Variants in RTN4 observed in about 807,000 individuals in gnomAD.
The protein encoded by RTN4 is reticulon 4, also known as reticulon-4.
In RTN4, 32 loss-of-function variants were observed where a neutral mutation model predicts 90.4. That is an observed-to-expected ratio of 0.35 (90% confidence interval 0.27 to 0.48). The LOEUF is 0.48. RTN4 is among the 20% of genes least tolerant of loss of function. The pLI is 0.99. For synonymous variants in RTN4, 629 were observed against 552.5 expected, an observed-to-expected ratio of 1.14 and a Z score of -1.94; for missense variants, 1,706 against 1,430.2, an observed-to-expected ratio of 1.19 and a Z score of -3.11.
At chr2:55,072,388 C>T (rs1194862635) in intron 2 of RTN4, among the ~76,000 whole-genome samples, 1 of 152,120 alleles carries the variant, frequency 6.6e-6, no homozygotes, top group African/African-American at 2.4e-5. Flanking sequence ...CACCACCATG[C>T]CCAGCTGATT....
chr2:55,014,116 T>C (rs1016151722), intron 3 of RTN4, among the ~76,000 whole-genome samples: 11 of 152,224 alleles, frequency 7.2e-5, no homozygotes, highest in Non-Finnish European at 4.4e-5. Context: ...CCCTACCATA[T>C]GCTGTAATAT....
intron 3 of RTN4, among the ~76,000 whole-genome samples, chr2:55,007,127 A>G (rs1680284411): frequency 6.6e-6 from 1 of 152,036 alleles, no homozygotes. Flanking sequence ...CCAATATTTC[A>G]CTCTAATTCA....
intron 1 of RTN4, among the ~76,000 whole-genome samples, chr2:55,091,612 G>A (rs1458695724): frequency 6.6e-6 from 1 of 152,200 alleles, no homozygotes; most frequent in Non-Finnish European, 1.5e-5. Flanking sequence ...AGGATTGCTT[G>A]AGCCCAGGAG....
intron 5 of RTN4, among the ~76,000 whole-genome samples, chr2:54,975,343 C>G (rs568972507): frequency 2.6e-5 from 4 of 152,288 alleles, no homozygotes; most frequent in Admixed American, 1.3e-4. Flanking sequence ...TAATTCAAGG[C>G]CTTCATGTGT....
At chr2:55,117,374 T>C (rs1341570260), upstream of RTN4, among the ~76,000 whole-genome samples, 1 of 152,146 alleles carries the variant, frequency 6.6e-6, no homozygotes, top group Non-Finnish European at 1.5e-5. Context: ...CTGAAGGGCC[T>C]CCTAACCATC....
chr2:55,069,505 T>C (rs1668450209), intron 2 of RTN4, among the ~76,000 whole-genome samples: 1 of 152,198 alleles, frequency 6.6e-6, no homozygotes, highest in African/African-American at 2.4e-5. Flanking sequence ...TTTATTGCTA[T>C]TACACAAATA....
chr2:54,973,563 T>C lies in RTN4; in HGVS notation c.3536A>G (p.Lys1179Arg). 2.5e-6 allele frequency: 4 copies of C among 1,602,954 alleles called. No individual in the cohort carries two copies. Among genetic ancestry groups the C allele is most frequent in the Non-Finnish European group, 2.6e-6 (3 of 1,169,980 alleles). ...AACACTGCAGATTTTAAATACTTAC[T>C]TAGCCATAGCATCTTTAACATTCTT... Reference protein sequence around the residue: ...ANKNVKDAMAKIQAKIPGLKR... With the variant: ...ANKNVKDAMARIQAKIPGLKR... The change falls in exon 8 of 9, where the codon AAA becomes AGA. Residue 1179 changes from lysine (K) to arginine (R), a missense_variant and splice_region_variant. By Grantham distance (26) the Lys-to-Arg change is conservative. Coordinates refer to ENST00000337526, the MANE Select transcript of RTN4 (RefSeq NM_020532.5).
At chr2:55,014,732 G>C (rs1680905662) in intron 3 of RTN4, among the ~76,000 whole-genome samples, 1 of 152,080 alleles carries the variant, frequency 6.6e-6, no homozygotes, top group Non-Finnish European at 1.5e-5. Flanking sequence ...GGCCAGGATG[G>C]TCTGGATCTC....
intron 1 of RTN4, among the ~76,000 whole-genome samples, chr2:55,091,326 T>C (rs1401438716): frequency 6.6e-6 from 1 of 152,196 alleles, no homozygotes; most frequent in East Asian, 1.9e-4. Context: ...CACTGGGCCC[T>C]TTCTTCCCAC....
At chr2:54,982,421 C>G in intron 5 of RTN4, 94 bp downstream of exon 5, 1 of 1,038,778 alleles carries the variant, frequency 9.6e-7, no homozygotes, top group Admixed American at 2.7e-5. Flanking sequence ...TAATATTTAT[C>G]ATTTACTTGA....
intron 4 of RTN4, among the ~76,000 whole-genome samples, chr2:54,983,457 AG>A (rs974833668): frequency 2.6e-5 from 4 of 152,214 alleles, no homozygotes; most frequent in Non-Finnish European, 5.9e-5. Context: ...CAACCAACTC[AG>A]AAGTGCTGAG....
chr2:55,028,756 T>C (rs1380936506), intron 1 of RTN4, among the ~76,000 whole-genome samples: 1 of 151,500 alleles, frequency 6.6e-6, no homozygotes, highest in Non-Finnish European at 1.5e-5. Context: ...ATTAGTCCTG[T>C]GCCAATGTCC....
chr2:55,049,425 A>G, intron 1 of RTN4: 1 of 370,268 alleles, frequency 2.7e-6, no homozygotes, highest in Non-Finnish European at 5.3e-6. Flanking sequence ...GCTCTCGGGT[A>G]TATACCCGGC....
At chr2:55,096,619 G>C (rs1056485072) in intron 1 of RTN4, among the ~76,000 whole-genome samples, 1 of 152,134 alleles carries the variant, frequency 6.6e-6, no homozygotes, top group Non-Finnish European at 1.5e-5. Flanking sequence ...TCCCACTTAG[G>C]AATAAAACTT....
intron 6 of RTN4, 124 bp downstream of exon 6, chr2:54,974,571 G>A (rs936946674): frequency 2.2e-5 from 18 of 812,950 alleles, no homozygotes; most frequent in Non-Finnish European, 3.1e-5. Context: ...ATGAGCTACC[G>A]CGCCCGGCCC....
chr2:55,124,789 T>G, the RTN4 span, among the ~76,000 whole-genome samples: 2 of 152,156 alleles, frequency 1.3e-5, no homozygotes, highest in Non-Finnish European at 2.9e-5. Context: ...AAGTTGGAAG[T>G]ATCACATTAT....
chr2:54,974,205 G>A, intron 6 of RTN4: 2 of 258,970 alleles, frequency 7.7e-6, no homozygotes, highest in Admixed American at 1.0e-4. Flanking sequence ...TTGTTAGTAG[G>A]AGCTGTCTTC....
intron 3 of RTN4, among the ~76,000 whole-genome samples, chr2:55,018,730 T>C (rs890010872): frequency 6.6e-6 from 1 of 152,142 alleles, no homozygotes; most frequent in Non-Finnish European, 1.5e-5. Flanking sequence ...TGTGAACTCA[T>C]TTCTTAAGTA....
rs1238665100 is a variant in RTN4, at chr2:55,027,351, C to T, written c.748G>A (p.Glu250Lys). 6.2e-7 allele frequency: 1 copy of T among 1,613,498 alleles called. No homozygotes were observed. Among genetic ancestry groups the T allele is most frequent in the African/African-American group, 1.3e-5 (1 of 74,862 alleles). The stretch of plus-strand genomic sequence containing the variant: ...ACTGTTGACAAATTACCAAGGTATT[C>T]ATGTTCTTTGAAAGAAGCGGCTGAG... ...PLSAASFKEH[E>K]YLGNLSTVLP... The change falls in exon 3 of 9, where the codon GAA (glutamate) becomes AAA (lysine). Residue 250 changes from glutamate to lysine, a missense_variant. Physicochemically the swap from Glu to Lys is moderately conservative, Grantham distance 56. Transcript: ENST00000337526.
Sources: allele counts gnomAD v4.1 joint callset (sites outside exome capture counted in the v4.1 genomes callset), GRCh38; gene constraint gnomAD v4.1.1; transcripts MANE v1.5; gene names NCBI Gene and HGNC (gene_info 2026-07-23, HGNC 2026-07-21).